OLFM3: variants seen among roughly 807,000 people sequenced by gnomAD.
OLFM3 encodes olfactomedin 3.
A neutral mutation model predicts 48.6 loss-of-function variants in OLFM3; 20 were observed. The ratio of observed to expected loss-of-function variants is 0.41; its 90% confidence interval spans 0.29 to 0.60. OLFM3 has a LOEUF of 0.60. Among genes scored for constraint, OLFM3 ranks in the 20% least tolerant of loss-of-function variants. The pLI is 0.28. For synonymous variants in OLFM3, 222 were observed against 198.1 expected (o/e 1.12, Z -1.01); for missense variants, 437 against 544.3 (o/e 0.80, Z 1.96).
At chr1:101,989,176 A>G (rs1661330511) in intron 1 of OLFM3, among the ~76,000 whole-genome samples, 1 of 152,088 alleles carries the variant, frequency 6.6e-6, no homozygotes, top group South Asian at 2.1e-4. Context: ...CTTTCCAGGG[A>G]GAGGCAAAAC....
intron 1 of OLFM3, among the ~76,000 whole-genome samples, chr1:101,973,193 C>T (rs957865555): frequency 3.9e-5 from 6 of 152,138 alleles, no homozygotes; most frequent in Middle Eastern, 3.2e-3. Context: ...ATGCCGTCTG[C>T]AGTGGAGAAA....
At chr1:101,938,925 C>T (rs1659705460) in intron 1 of OLFM3, among the ~76,000 whole-genome samples, 1 of 152,174 alleles carries the variant, frequency 6.6e-6, no homozygotes, top group Non-Finnish European at 1.5e-5. Flanking sequence ...TCCCACCCAC[C>T]TGGAGTCCTT....
In OLFM3 at chr1:101,900,235, T is replaced by G. The variant is rs79265483; in HGVS notation, c.70-63210A>C. ...TGGTTCAATCATCCAGACAAGTCCA[T>G]GAACACAGACTTGAAAAATATTCTG... On this transcript the variant is annotated intron_variant, in intron 1 of 5. Coordinates refer to ENST00000370103, the MANE Select transcript of OLFM3 (RefSeq NM_058170.4). Among the ~76,000 whole-genome samples the G allele has an allele frequency of 2.6e-5, 4 of 152,124 alleles. No homozygotes were observed. The East Asian group carries it at 7.7e-4, about 29-fold the overall frequency.
At chr1:101,923,706 C>CT (rs1659172809) in intron 1 of OLFM3, among the ~76,000 whole-genome samples, 1 of 151,998 alleles carries the variant, frequency 6.6e-6, no homozygotes, top group Non-Finnish European at 1.5e-5. Context: ...TTTATCTTCT[C>CT]AACTTATAAT....
chr1:101,862,904 G>A (rs1243358294), intron 1 of OLFM3, among the ~76,000 whole-genome samples: 1 of 152,028 alleles, frequency 6.6e-6, no homozygotes, highest in Non-Finnish European at 1.5e-5. Flanking sequence ...ATTTCACTCA[G>A]TGTTGTAATG....
At chr1:101,966,468 G>A (rs913202835) in intron 1 of OLFM3, among the ~76,000 whole-genome samples, 2 of 152,018 alleles carry the variant, frequency 1.3e-5, no homozygotes, top group East Asian at 1.9e-4. Flanking sequence ...CCACTGTGTC[G>A]GGTCCTTCTC....
At chr1:101,888,782 A>C (rs1398834505) in intron 1 of OLFM3, among the ~76,000 whole-genome samples, 1 of 152,192 alleles carries the variant, frequency 6.6e-6, no homozygotes, top group Non-Finnish European at 1.5e-5. Context: ...AGAATCTACA[A>C]AGGACTTAAA....
chr1:101,926,470 AC>A (rs2101043714), intron 1 of OLFM3, among the ~76,000 whole-genome samples: 1 of 152,294 alleles, frequency 6.6e-6, no homozygotes, highest in African/African-American at 2.4e-5. Flanking sequence ...AGCAAGAAGA[AC>A]CCTGTTTTAA....
chr1:101,944,902 G>T (rs1196543912), intron 1 of OLFM3, among the ~76,000 whole-genome samples: 1 of 151,410 alleles, frequency 6.6e-6, no homozygotes, highest in Admixed American at 6.6e-5. Context: ...AAGTTCCTGG[G>T]CATGTGCCAT....
chr1:101,976,710 T>C (rs1460751226), intron 1 of OLFM3, among the ~76,000 whole-genome samples: 3 of 152,134 alleles, frequency 2.0e-5, no homozygotes, highest in African/African-American at 7.2e-5. Flanking sequence ...CTCAAAAAAG[T>C]TCATCTCCAT....
At chr1:101,945,080 T>C (rs1659914783) in intron 1 of OLFM3, among the ~76,000 whole-genome samples, 1 of 152,176 alleles carries the variant, frequency 6.6e-6, no homozygotes, top group Admixed American at 6.5e-5. Context: ...GGAACTCTCA[T>C]ACACTGCTTG....
intron 3 of OLFM3, among the ~76,000 whole-genome samples, chr1:101,826,901 G>A (rs1654889892): frequency 6.6e-6 from 1 of 152,160 alleles, no homozygotes; most frequent in South Asian, 2.1e-4. Context: ...ATATTTAAAA[G>A]AGAGCAATTC....
intron 4 of OLFM3, among the ~76,000 whole-genome samples, chr1:101,813,926 C>T (rs1654202783): frequency 6.6e-6 from 1 of 152,140 alleles, no homozygotes; most frequent in Non-Finnish European, 1.5e-5. Context: ...TCTTCGGTTT[C>T]TTATTCTGAA....
chr1:101,935,855 G>T (rs562090736), intron 1 of OLFM3, among the ~76,000 whole-genome samples: 8 of 152,068 alleles, frequency 5.3e-5, no homozygotes, highest in African/African-American at 1.9e-4. Context: ...CTCATAAATA[G>T]AATTTAAAAC....
At chr1:101,817,598 T>C (rs1055992884) in intron 4 of OLFM3, among the ~76,000 whole-genome samples, 1 of 152,084 alleles carries the variant, frequency 6.6e-6, no homozygotes, top group Non-Finnish European at 1.5e-5. Flanking sequence ...ATCTGTCCTC[T>C]CTTTTATTTG....
chr1:101,948,084 A>T (rs1301963751), intron 1 of OLFM3, among the ~76,000 whole-genome samples: 2 of 152,214 alleles, frequency 1.3e-5, no homozygotes, highest in East Asian at 3.8e-4. Context: ...TAAGCAAATT[A>T]TTAAAATAGG....
intron 1 of OLFM3, among the ~76,000 whole-genome samples, chr1:101,917,989 TA>T (rs201181597): frequency 4.6e-5 from 7 of 151,914 alleles, no homozygotes; most frequent in Non-Finnish European, 1.0e-4. Context: ...GAACATTGAT[TA>T]AAAAAAACCA....
At chr1:101,925,696 CTT>C (rs35232746) in intron 1 of OLFM3, among the ~76,000 whole-genome samples, 322 of 146,412 alleles carry the variant, frequency 2.2e-3, no homozygotes, top group African/African-American at 7.0e-3. Flanking sequence ...TTAATTAATT[CTT>C]TTTTTTTTTT....
At chr1:101,863,190 C>T (rs1055745944) in intron 1 of OLFM3, among the ~76,000 whole-genome samples, 2 of 152,146 alleles carry the variant, frequency 1.3e-5, no homozygotes, top group Non-Finnish European at 2.9e-5. Context: ...TCGAACTGGA[C>T]TCAAGCGATC....
Sources: gnomAD v4.1 joint callset for allele counts (sites outside exome capture counted in the v4.1 genomes callset) on GRCh38, gnomAD v4.1.1 for gene constraint, MANE v1.5 for transcripts, NCBI Gene and HGNC (gene_info 2026-07-23, HGNC 2026-07-21) for gene names.